Variants in PTGES observed in about 807,000 individuals in gnomAD.
PTGES encodes the protein prostaglandin E synthase, also known as MGST1-like 1.
In PTGES, 3 loss-of-function variants were observed where a neutral mutation model predicts 11.8. The observed-to-expected ratio is 0.25, with a 90% CI of 0.12 to 0.66. The LOEUF (loss-of-function observed/expected upper bound fraction) is 0.66. PTGES is among the 30% of genes least tolerant of loss of function. The pLI is 0.82. For synonymous variants in PTGES, 94 were observed against 90.4 expected (o/e 1.04, Z -0.22); for missense variants, 180 against 213.0 (o/e 0.85, Z 0.96).
intron 2 of PTGES, among the ~76,000 whole-genome samples, chr9:129,743,326 T>C (rs1833018200): frequency 4.6e-5 from 7 of 152,126 alleles, no homozygotes. Context: ...ACCTCCCTCC[T>C]CCCACCTCCA....
At chr9:129,752,322 G>A (rs1322023087) in intron 1 of PTGES, among the ~76,000 whole-genome samples, 3 of 152,178 alleles carry the variant, frequency 2.0e-5, no homozygotes, top group South Asian at 2.1e-4. Context: ...AACTTGCCCC[G>A]GCCCAGCTCT....
At position 129,752,975 on chromosome 9, in the gene PTGES, A is replaced by C; in HGVS notation, c.38T>G (p.Leu13Arg). 6.2e-7 allele frequency: 1 copy of C among 1,610,638 alleles called. No individual in the cohort carries two copies. Among genetic ancestry groups the C allele is most frequent in the Non-Finnish European group, 8.5e-7 (1 of 1,180,020 alleles). The change falls in exon 1 of 3, where the codon CTC (leucine) becomes CGC (arginine). Residue 13 changes from leucine to arginine, a missense_variant. Transcript: ENST00000340607. Reference protein sequence around the residue: ...AHSLVMSSPALPAFLLCSTLL... With the variant: ...AHSLVMSSPARPAFLLCSTLL... ...CGTGCTGCAGAGCAGGAAGGCCGGG[A>C]GGGCCGGGCTGCTCATCACCAGGCT... is the stretch of plus-strand genomic sequence containing the variant.
chr9:129,740,339 T>C (rs1169531315), intron 2 of PTGES, among the ~76,000 whole-genome samples: 2 of 152,200 alleles, frequency 1.3e-5, no homozygotes, highest in Admixed American at 1.3e-4. Context: ...GAGTCAGGCC[T>C]GAGGTCATCC....
chr9:129,746,085 G>A (rs944906015), intron 2 of PTGES, among the ~76,000 whole-genome samples: 2 of 151,552 alleles, frequency 1.3e-5, no homozygotes, highest in African/African-American at 4.8e-5. Context: ...CGCCACCCGG[G>A]TCTATCGTCT....
chr9:129,744,407 A>G (rs1367872347), intron 2 of PTGES, among the ~76,000 whole-genome samples: 1 of 152,032 alleles, frequency 6.6e-6, no homozygotes, highest in Non-Finnish European at 1.5e-5. Flanking sequence ...CCGTCTCTAC[A>G]ACAATAAAAA....
chr9:129,739,757 C>T lies in PTGES; in HGVS notation c.313G>A (p.Val105Ile), dbSNP rs200658208. 51 of 1,581,146 alleles carry T rather than the reference C, an allele frequency of 3.2e-5. No homozygotes were observed. Among genetic ancestry groups the T allele is most frequent in the Non-Finnish European group, 4.2e-5 (49 of 1,163,400 alleles). ...NPFVAWMHFL[V>I]FLVGRVAHTV... is the part of the protein sequence containing the mutation. ...TGTGCCACACGGCCCACGAGGAAGA[C>T]CAGGAAGTGCATCCAGGCGACAAAA... Residue 105 changes from valine to isoleucine, a missense_variant, in exon 3 of 3, where the codon GTC becomes ATC. Transcript: ENST00000340607. This position sits in a 1 kb window ranked among gnomAD's most constrained non-coding sequence, Gnocchi z 5.7.
chr9:129,750,367 T>C (rs1201423100), intron 1 of PTGES, among the ~76,000 whole-genome samples: 2 of 152,212 alleles, frequency 1.3e-5, no homozygotes, highest in African/African-American at 2.4e-5. Flanking sequence ...ATCTTCGAGA[T>C]TGGAACCTTC....
chr9:129,751,668 A>C (rs374115796), intron 1 of PTGES, among the ~76,000 whole-genome samples: 48 of 152,056 alleles, frequency 3.2e-4, no homozygotes, highest in East Asian at 1.2e-3. Context: ...AGCAGAAAAA[A>C]AAAACAAAAC....
chr9:129,747,470 C>G (rs1013801467), intron 2 of PTGES, among the ~76,000 whole-genome samples: 2 of 151,842 alleles, frequency 1.3e-5, no homozygotes, highest in Non-Finnish European at 2.9e-5. Flanking sequence ...TTTTAATTGA[C>G]CAGGGGGATG....
intron 2 of PTGES, among the ~76,000 whole-genome samples, chr9:129,742,423 A>G (rs983314787): frequency 6.6e-6 from 1 of 151,930 alleles, no homozygotes; most frequent in African/African-American, 2.4e-5. Context: ...CTACAGGCTG[A>G]TTAGAGGGAC....
In PTGES at chr9:129,748,747, A is replaced by G. The variant is rs990816724; in HGVS notation, c.127-10T>C. 1 of 1,588,624 alleles carries G rather than the reference A, an allele frequency of 6.3e-7. No individual in the cohort carries two copies. The highest frequency in any genetic ancestry group is 8.6e-7 in the Non-Finnish European group (1 of 1,166,468). ...CGGGGTTGGCAAAGGCCTGAAATAT[A>G]CCAGTTGAGAGTCACTCCTCGTGAG... is the stretch of plus-strand genomic sequence containing the variant. On this transcript the variant is annotated splice_polypyrimidine_tract_variant and intron_variant, in intron 1 of 2. Transcript: ENST00000340607.
At chr9:129,740,869 G>A (rs191849416) in intron 2 of PTGES, among the ~76,000 whole-genome samples, 40 of 152,314 alleles carry the variant, frequency 2.6e-4, no homozygotes, top group South Asian at 8.3e-4. Context: ...GACAGGCCAC[G>A]CGTGTGAGGT....
At position 129,739,434 on chromosome 9, in the gene PTGES, A is replaced by ACACACACACGGG. The variant is rs1232307419; in HGVS notation, c.*165_*176dup. 2.4e-6 allele frequency: 2 copies of ACACACACACGGG among 829,428 alleles called. No individual in the cohort carries two copies. Among genetic ancestry groups the ACACACACACGGG allele is most frequent in the Non-Finnish European group, 3.7e-6 (2 of 547,310 alleles). 51.4% of individuals were successfully genotyped at this position (829,428 alleles called of 1,614,324 possible). On this transcript the variant is annotated 3_prime_UTR_variant, in exon 3 of 3. Coordinates refer to ENST00000340607, the MANE Select transcript of PTGES (RefSeq NM_004878.5). This position sits in a 1 kb window ranked among gnomAD's most constrained non-coding sequence, Gnocchi z 5.7. The stretch of plus-strand genomic sequence containing the variant: ...GGCTAAGAAACATACACACACACAT[A>ACACACACACGGG]CACACACACGGGCACACACACAGGC...
In PTGES at chr9:129,747,904, G is replaced by A. The variant is rs372726401; in HGVS notation, c.209+751C>T. Among the ~76,000 whole-genome samples the A allele has an allele frequency of 8.0e-4, 121 of 151,448 alleles. 1 individual carries two copies. The highest frequency in any genetic ancestry group is 2.7e-3 in the African/African-American group (113 of 41,222). On this transcript the variant is annotated intron_variant, in intron 2 of 2. Coordinates refer to ENST00000340607, the MANE Select transcript of PTGES (RefSeq NM_004878.5). The stretch of plus-strand genomic sequence containing the variant: ...GCACGCCTGTAGCCCCAGCTACTTG[G>A]GAGGCTGAGGCAGGAGAATCGCTTG...
intron 2 of PTGES, among the ~76,000 whole-genome samples, chr9:129,747,812 C>A (rs1833061570): frequency 6.6e-6 from 1 of 151,910 alleles, no homozygotes; most frequent in Admixed American, 6.6e-5. Flanking sequence ...GAGTTCCAGA[C>A]CAGCCTGGCC....
rs1832958936 is a variant in PTGES at position 129,738,705 on chromosome 9, A to C, written c.*906T>G. 6.6e-6 allele frequency: 1 copy of C among 152,376 alleles called. No homozygotes were observed. The highest frequency in any genetic ancestry group is 2.4e-5 in the African/African-American group (1 of 41,456). The allele number at this position is 152,376 out of a possible 1,614,324, so 9.4% of individuals were successfully genotyped here. A position where few individuals can be genotyped will look rare whatever the true frequency, so the allele number is the denominator to read the frequency against. On this transcript the variant is annotated 3_prime_UTR_variant, in exon 3 of 3. Coordinates refer to ENST00000340607, the MANE Select transcript of PTGES (RefSeq NM_004878.5). This position sits in a 1 kb window ranked among gnomAD's most constrained non-coding sequence, Gnocchi z 4.2. The stretch of plus-strand genomic sequence containing the variant: ...CGGCAAGGGAAGCGTCAGCGGGGGC[A>C]GAGGAGCCAGCCCTGTCCTTGGCTC...
intron 1 of PTGES, among the ~76,000 whole-genome samples, chr9:129,751,706 T>A (rs1362607528): frequency 6.6e-6 from 1 of 151,398 alleles, no homozygotes; most frequent in African/African-American, 2.4e-5. Context: ...AGACAGGATG[T>A]GGGCTCTGAA....
rs201976510 is a variant in PTGES at position 129,739,385 on chromosome 9, G to A, written c.*226C>T. On this transcript the variant is annotated 3_prime_UTR_variant, in exon 3 of 3. Coordinates refer to ENST00000340607, the MANE Select transcript of PTGES (RefSeq NM_004878.5). This position sits in a 1 kb window ranked among gnomAD's most constrained non-coding sequence, Gnocchi z 5.7. ...ATCTGTCTTGAAATGGTTCCCATCA[G>A]CCACTTCGTGCAGGAATCCAAGGGG... The A allele has an allele frequency of 1.0e-4, 60 of 586,824 alleles. No individual in the cohort carries two copies. Among genetic ancestry groups the A allele is most frequent in the Non-Finnish European group, 1.6e-4 (56 of 340,576 alleles). The allele number at this position is 586,824 out of a possible 1,614,324, so 36.4% of individuals were successfully genotyped here. A position where few individuals can be genotyped will look rare whatever the true frequency, so the allele number is the denominator to read the frequency against.
intron 1 of PTGES, among the ~76,000 whole-genome samples, chr9:129,751,355 A>AAG (rs1266571564): frequency 6.6e-6 from 1 of 151,008 alleles, no homozygotes; most frequent in Admixed American, 6.6e-5. Flanking sequence ...AAAAAAAAAA[A>AAG]AAAAAAGGAA....
Sources: gnomAD v4.1 joint callset for allele counts (sites outside exome capture counted in the v4.1 genomes callset) on GRCh38, gnomAD v4.1.1 for gene constraint, Gnocchi (gnomAD v3.1) non-coding constraint, MANE v1.5 for transcripts, NCBI Gene and HGNC (gene_info 2026-07-23, HGNC 2026-07-21) for gene names.